The following EPHA6 variants were observed in gnomAD, a reference collection of about 807,000 sequenced individuals.
The protein encoded by EPHA6 is ephrin type-A receptor 6.
In EPHA6, 50 loss-of-function variants were observed where a neutral mutation model predicts 112.0. The observed-to-expected ratio is 0.45, with a 90% CI of 0.36 to 0.56. EPHA6 has a LOEUF of 0.56. Ranked by LOEUF, EPHA6 falls within the 20% of genes least tolerant of loss-of-function variation. The probability of loss-of-function intolerance (pLI) is 0.00; values close to 1 mark genes in which losing one functional copy is unlikely to be tolerated. For missense variants in EPHA6, 1,280 were observed against 1,417.4 expected, an observed-to-expected ratio of 0.90 and a Z score of 1.56; for synonymous variants, 529 against 490.7, an observed-to-expected ratio of 1.08 and a Z score of -1.03.
intron 11 of EPHA6, among the ~76,000 whole-genome samples, chr3:97,549,221 A>G (rs1022447275): frequency 6.6e-6 from 1 of 152,172 alleles, no homozygotes; most frequent in African/African-American, 2.4e-5. Context: ...CTCAGGCATC[A>G]TGTGTTTACT....
chr3:97,693,733 G>A (rs192089364), intron 14 of EPHA6, among the ~76,000 whole-genome samples: 7,174 of 152,210 alleles, frequency 0.047, 263 homozygotes, highest in Non-Finnish European at 0.074. Flanking sequence ...GCCTGAACCC[G>A]GGAGGCGGAG....
chr3:97,738,555 A>C (rs1034974139), intron 16 of EPHA6, among the ~76,000 whole-genome samples: 1 of 152,092 alleles, frequency 6.6e-6, no homozygotes, highest in East Asian at 1.9e-4. Context: ...AAGATGAGAA[A>C]GTGTCAAAAA....
In EPHA6 at chr3:97,752,501, C is replaced by T. The variant is rs1216333854; in HGVS notation, c.*3800C>T. 4.1e-5 allele frequency: 9 copies of T among 219,916 alleles called. No individual in the cohort carries two copies. The highest frequency in any genetic ancestry group is 3.6e-5 in the Non-Finnish European group (4 of 109,606). The allele number at this position is 219,916 out of a possible 1,614,324, so 13.6% of individuals were successfully genotyped here. On this transcript the variant is annotated 3_prime_UTR_variant, in exon 18 of 18. Transcript: ENST00000389672. The stretch of plus-strand genomic sequence containing the variant: ...AATTCCCCCATCCTCTCTCTTTATT[C>T]CTTTCTCAGCTTCTATCACGCCACA...
intron 14 of EPHA6, among the ~76,000 whole-genome samples, chr3:97,719,764 G>T (rs1277675486): frequency 6.6e-6 from 1 of 152,168 alleles, no homozygotes; most frequent in Non-Finnish European, 1.5e-5. Flanking sequence ...AATCATAGCA[G>T]ATGTAAAGCA....
chr3:96,968,958 G>C (rs555755527), intron 2 of EPHA6, among the ~76,000 whole-genome samples: 1 of 151,884 alleles, frequency 6.6e-6, no homozygotes, highest in East Asian at 1.9e-4. Flanking sequence ...AATGCATATG[G>C]TTCTTTATAA....
At chr3:97,610,975 G>A in intron 13 of EPHA6, 121 bp downstream of exon 13, 1 of 792,548 alleles carries the variant, frequency 1.3e-6, no homozygotes, top group South Asian at 1.8e-5. Context: ...GAATAGCAGT[G>A]TTTTCTCTAG....
intron 5 of EPHA6, among the ~76,000 whole-genome samples, chr3:97,401,935 TTTTG>T (rs1185037565): frequency 1.3e-5 from 2 of 151,992 alleles, no homozygotes; most frequent in Admixed American, 6.6e-5. Context: ...CTCAGAAGCA[TTTTG>T]TTTAATTTCC....
intron 2 of EPHA6, among the ~76,000 whole-genome samples, chr3:96,969,498 G>A (rs752035928): frequency 4.6e-5 from 7 of 151,692 alleles, no homozygotes; most frequent in Non-Finnish European, 8.8e-5. Context: ...GAAATATGAA[G>A]GTCTAATATA....
At chr3:97,609,031 A>G (rs1221059556) in intron 12 of EPHA6, among the ~76,000 whole-genome samples, 1 of 151,390 alleles carries the variant, frequency 6.6e-6, no homozygotes, top group African/African-American at 2.4e-5. Context: ...GAATGCTTGC[A>G]AGCTCTTTTT....
At position 97,758,235 on chromosome 3, in the gene EPHA6, T is replaced by C. The variant is rs965201227; in HGVS notation, c.*9534T>C. Among the ~76,000 whole-genome samples the C allele has an allele frequency of 6.6e-6, 1 of 151,876 alleles. No individual in the cohort carries two copies. The highest frequency in any genetic ancestry group is 1.5e-5 in the Non-Finnish European group (1 of 67,828). On this transcript the variant is annotated 3_prime_UTR_variant, in exon 18 of 18. Transcript: ENST00000389672. ...CTTTGAGAAAACAAAATAATCGTTT[T>C]CCCTACCTTACAACCTTGATCACTC...
chr3:97,188,720 A>T (rs934148038), intron 3 of EPHA6, among the ~76,000 whole-genome samples: 5 of 152,000 alleles, frequency 3.3e-5, no homozygotes, highest in Non-Finnish European at 7.4e-5. Flanking sequence ...TGCAAATAAA[A>T]ACAGCTCCAT....
At chr3:96,990,791 T>C (rs547524704) in intron 3 of EPHA6, among the ~76,000 whole-genome samples, 16 of 152,224 alleles carry the variant, frequency 1.1e-4, no homozygotes, top group African/African-American at 3.9e-4. Flanking sequence ...TCATTGCTTT[T>C]ATTGCCATCT....
intron 14 of EPHA6, among the ~76,000 whole-genome samples, chr3:97,683,064 G>T (rs2107686324): frequency 6.6e-6 from 1 of 152,124 alleles, no homozygotes; most frequent in Non-Finnish European, 1.5e-5. Context: ...CATTTTTATT[G>T]TATGTACCTG....
chr3:97,030,298 A>G (rs2044780316), intron 3 of EPHA6, among the ~76,000 whole-genome samples: 1 of 152,016 alleles, frequency 6.6e-6, no homozygotes, highest in African/African-American at 2.4e-5. Flanking sequence ...ACTGGACCCC[A>G]TTCCAGCCTG....
rs200953475 is a variant in EPHA6, at chr3:97,012,585, ATGTGTG to A, written c.1114+24610_1114+24615del. 3.8e-4 allele frequency among the ~76,000 whole-genome samples: 53 copies of A among 141,168 alleles called. 1 individual carries two copies. The highest frequency in any genetic ancestry group is 7.3e-3 in the Middle Eastern group (2 of 274). 92.6% of individuals were successfully genotyped at this position (141,168 alleles called of 152,430 possible). ...GAATATATATACATAAAATTTATAT[ATGTGTG>A]TGTGTGTGTGTGTGTGTATATATAT... On this transcript the variant is annotated intron_variant, in intron 3 of 17. Coordinates refer to ENST00000389672, the MANE Select transcript of EPHA6 (RefSeq NM_001080448.3).
intron 5 of EPHA6, among the ~76,000 whole-genome samples, chr3:97,297,286 T>C (rs2080907160): frequency 6.6e-6 from 1 of 152,214 alleles, no homozygotes; most frequent in African/African-American, 2.4e-5. Flanking sequence ...TTTCCTGTCA[T>C]GTTTCTATTC....
rs2035975074 is a variant in EPHA6, at chr3:97,754,398, T to C, written c.*5697T>C. On this transcript the variant is annotated 3_prime_UTR_variant, in exon 18 of 18. Coordinates refer to ENST00000389672, the MANE Select transcript of EPHA6 (RefSeq NM_001080448.3). ...CCACTGTGCCCAGTGAGAAGATTTA[T>C]AGCTTAATGGAAAGACTTGGATTCT... Among the ~76,000 whole-genome samples the C allele has an allele frequency of 2.6e-5, 4 of 152,158 alleles. No homozygotes were observed. Among genetic ancestry groups the C allele is most frequent in the African/African-American group, 9.7e-5 (4 of 41,442 alleles).
intron 3 of EPHA6, among the ~76,000 whole-genome samples, chr3:97,143,798 C>T (rs983454607): frequency 6.6e-6 from 1 of 151,534 alleles, no homozygotes. Context: ...GAGGGGGAGA[C>T]TCCTTTTTTA....
intron 4 of EPHA6, among the ~76,000 whole-genome samples, chr3:97,233,755 CAG>C (rs1387952477): frequency 2.0e-5 from 3 of 151,876 alleles, no homozygotes; most frequent in Admixed American, 6.6e-5. Context: ...TTTTTGGTGT[CAG>C]GGGTAGAGAG....
Sources: allele counts gnomAD v4.1 joint callset (sites outside exome capture counted in the v4.1 genomes callset), GRCh38; gene constraint gnomAD v4.1.1; transcripts MANE v1.5; gene names NCBI Gene and HGNC (gene_info 2026-07-23, HGNC 2026-07-21).